Variants in NSD2 observed in about 807,000 individuals in gnomAD.
NSD2 encodes the protein histone-lysine N-methyltransferase NSD2.
Under a neutral mutation model 139.0 loss-of-function variants are expected in NSD2, and 12 were observed. That is an observed-to-expected ratio of 0.09 (90% CI 0.06 to 0.14). The LOEUF (loss-of-function observed/expected upper bound fraction) is 0.14, where lower values mean the gene tolerates loss of function less well. Among genes scored for constraint, NSD2 ranks in the 10% least tolerant of loss-of-function variants. NSD2 has a pLI of 1.00. For synonymous variants in NSD2, 669 were observed against 648.7 expected, an observed-to-expected ratio of 1.03 and a Z score of -0.48; for missense variants, 1,155 against 1,745.0, an observed-to-expected ratio of 0.66 and a Z score of 6.02.
chr4:1,928,093 C>T (rs1035320291), intron 5 of NSD2, among the ~76,000 whole-genome samples: 14 of 149,490 alleles, frequency 9.4e-5, no homozygotes, highest in African/African-American at 2.7e-4. Flanking sequence ...TTTTCAAACA[C>T]GATCTTTCTC....
At chr4:1,952,278 C>G (rs1398462964) in intron 11 of NSD2, 47 bp downstream of exon 11, 1 of 1,607,602 alleles carries the variant, frequency 6.2e-7, no homozygotes, top group East Asian at 2.2e-5. Flanking sequence ...CGGCCACCTG[C>G]TCCTGCAACC....
chr4:1,932,327 T>A (rs1485769214), intron 6 of NSD2, among the ~76,000 whole-genome samples: 2 of 150,020 alleles, frequency 1.3e-5, no homozygotes, highest in African/African-American at 2.5e-5. Context: ...TAATCCCAGC[T>A]ACTCGGGAGG....
intron 21 of NSD2, 123 bp from the exon 22 acceptor site, chr4:1,978,515 C>G (rs538752170): frequency 3.6e-6 from 5 of 1,386,306 alleles, no homozygotes; most frequent in East Asian, 2.4e-5. Flanking sequence ...CCGTCCTGTT[C>G]GCTGGAGCCA....
chr4:1,877,210 T>G (rs1199969374), intron 1 of NSD2, among the ~76,000 whole-genome samples: 2 of 152,208 alleles, frequency 1.3e-5, no homozygotes, highest in Non-Finnish European at 2.9e-5. Context: ...TTTGATGGTT[T>G]TCATATATTT....
rs576027126 is a variant in NSD2, at chr4:1,902,587, C to T, written c.597+1336C>T. 2.0e-5 allele frequency among the ~76,000 whole-genome samples: 3 copies of T among 152,200 alleles called. No individual in the cohort carries two copies. The South Asian group carries it at 6.2e-4, about 32-fold the overall frequency. ...CTCATGCTTTTGCTTGGGAAGAGGC[C>T]TGTGCAAGTTGTCAGAGTCCTAGCT... On this transcript the variant is annotated intron_variant, in intron 2 of 21. Coordinates refer to ENST00000508803, the MANE Select transcript of NSD2 (RefSeq NM_001042424.3).
At chr4:1,961,263 C>G in intron 18 of NSD2, 112 bp downstream of exon 18, 1 of 824,870 alleles carries the variant, frequency 1.2e-6, no homozygotes, top group South Asian at 2.1e-5. Context: ...GTCTCCTTAG[C>G]TGCTTATTTT....
chr4:1,939,833 G>C (rs1346348396), intron 9 of NSD2, 55 bp downstream of exon 9: 2 of 1,612,408 alleles, frequency 1.2e-6, no homozygotes, highest in Non-Finnish European at 1.7e-6. Flanking sequence ...CCATTTAGCT[G>C]CCCACGCTGC....
Position 1,974,834 on chromosome 4 carries a change from T to C in NSD2, c.3373-29T>C, listed in dbSNP as rs775406011. ...AAAAATAACATGCGATTGCTAACAC[T>C]TGACCGAATATATCACTTGACCTTA... is the stretch of plus-strand genomic sequence containing the variant. On this transcript the variant is annotated intron_variant, in intron 18 of 21. Transcript: ENST00000508803. This position sits in a 1 kb window ranked among gnomAD's most constrained non-coding sequence, Gnocchi z 4.0. 24 of 1,612,780 alleles carry C rather than the reference T, an allele frequency of 1.5e-5. No homozygotes were observed. The highest frequency in any genetic ancestry group is 1.8e-5 in the Non-Finnish European group (21 of 1,178,910).
At chr4:1,882,998 C>T (rs556819893) in intron 1 of NSD2, among the ~76,000 whole-genome samples, 2 of 151,964 alleles carry the variant, frequency 1.3e-5, no homozygotes, top group Admixed American at 1.3e-4. Context: ...GGTGGTTGGC[C>T]ATTCTTGGGA....
At position 1,961,115 on chromosome 4, in the gene NSD2, C is replaced by T. The variant is rs142004038; in HGVS notation, c.3336C>T (p.Asn1112=). Residue 1112 remains asparagine, a synonymous_variant, in exon 18 of 22, where the codon AAC becomes AAT. Coordinates refer to ENST00000508803, the MANE Select transcript of NSD2 (RefSeq NM_001042424.3). ...CGAGAATCAAGCACGCACACGAGAACGACATCACCCACTTCTACATGCTCA... is the reference window on the plus strand; with the variant it reads ...CGAGAATCAAGCACGCACACGAGAATGACATCACCCACTTCTACATGCTCA... ...CMARIKHAHE[N]DITHFYMLTI... is the part of the protein sequence containing the mutation. 1.1e-5 allele frequency: 18 copies of T among 1,613,258 alleles called. No individual in the cohort carries two copies. The highest frequency in any genetic ancestry group is 1.7e-4 in the Middle Eastern group (1 of 6,056).
chr4:1,966,371 A>ATGTACATT lies in NSD2; in HGVS notation c.3372+5221_3372+5222insGTACATTT, dbSNP rs1553878484. 1.4e-4 allele frequency among the ~76,000 whole-genome samples: 22 copies of ATGTACATT among 152,120 alleles called. 1 individual carries two copies. The South Asian group carries it at 4.2e-3, about 29-fold the overall frequency. ...GTTTGTTGTCTGCATGATTGAAGAGATAGGGCTGGGCATGGTGGCTCACGC... is the reference window on the plus strand; with the variant it reads ...GTTTGTTGTCTGCATGATTGAAGAGATGTACATTTAGGGCTGGGCATGGTGGCTCACGC... On this transcript the variant is annotated intron_variant, in intron 18 of 21. Transcript: ENST00000508803.
intron 5 of NSD2, among the ~76,000 whole-genome samples, chr4:1,921,457 CAAATT>C (rs1275989976): frequency 6.7e-6 from 1 of 148,526 alleles, no homozygotes; most frequent in Admixed American, 6.7e-5. Flanking sequence ...GACTCCGTCT[CAAATT>C]AAAAAAAAAA....
At position 1,979,078 on chromosome 4, in the gene NSD2, C is replaced by A; in HGVS notation, c.*169C>A. The A allele has an allele frequency of 1.2e-6, 1 of 815,962 alleles. No individual in the cohort carries two copies. Among genetic ancestry groups the A allele is most frequent in the Non-Finnish European group, 1.8e-6 (1 of 559,414 alleles). The allele number at this position is 815,962 out of a possible 1,614,324, so 50.5% of individuals were successfully genotyped here. A position where few individuals can be genotyped will look rare whatever the true frequency, so the allele number is the denominator to read the frequency against. On this transcript the variant is annotated 3_prime_UTR_variant, in exon 22 of 22. Coordinates refer to ENST00000508803, the MANE Select transcript of NSD2 (RefSeq NM_001042424.3). ...CTCCCCACCACTGAGCCATCCTCAG[C>A]AGCGTCCGCTGCGTCTGCACTGATG...
chr4:1,935,268 T>G lies in NSD2; in HGVS notation c.1674+6T>G. On this transcript the variant is annotated splice_donor_region_variant and intron_variant, in intron 7 of 21. Transcript: ENST00000508803. ...ACAAGCACAGTCTTCGGAAGGTAATTGTGTTCCAGGTTTGCTTGACCTGTC... is the reference window on the plus strand; with the variant it reads ...ACAAGCACAGTCTTCGGAAGGTAATGGTGTTCCAGGTTTGCTTGACCTGTC... 9 of 1,609,492 alleles carry G rather than the reference T, an allele frequency of 5.6e-6. No homozygotes were observed. Among genetic ancestry groups the G allele is most frequent in the Non-Finnish European group, 7.6e-6 (9 of 1,177,022 alleles).
Position 1,955,521 on chromosome 4 carries a change from G to A in NSD2, c.2519-172G>A, listed in dbSNP as rs1484515521. ...ATTGTAATCATTTCGCAAACATACA[G>A]GAAATTATTTGTGGTGAAAATGACA... On this transcript the variant is annotated intron_variant, in intron 13 of 21. Coordinates refer to ENST00000508803, the MANE Select transcript of NSD2 (RefSeq NM_001042424.3). The surrounding 1 kb of genome is among the most constrained non-coding windows in gnomAD (Gnocchi z 4.7). 2.4e-6 allele frequency: 3 copies of A among 1,231,336 alleles called. No homozygotes were observed. The highest frequency in any genetic ancestry group is 3.3e-6 in the Non-Finnish European group (3 of 914,082). 76.3% of individuals were successfully genotyped at this position (1,231,336 alleles called of 1,614,324 possible).
intron 1 of NSD2, among the ~76,000 whole-genome samples, chr4:1,886,324 A>G (rs1396965968): frequency 1.3e-5 from 2 of 152,140 alleles, no homozygotes; most frequent in Non-Finnish European, 2.9e-5. Flanking sequence ...CTCGTGCCTC[A>G]GTCTCCTGAA....
intron 6 of NSD2, among the ~76,000 whole-genome samples, chr4:1,934,315 C>T (rs183336519): frequency 5.3e-5 from 8 of 151,468 alleles, no homozygotes; most frequent in Admixed American, 5.3e-4. Flanking sequence ...AAACTCCCGA[C>T]CTCAGGTGAT....
intron 1 of NSD2, among the ~76,000 whole-genome samples, chr4:1,884,386 C>T (rs1377792045): frequency 3.3e-5 from 5 of 149,806 alleles, no homozygotes; most frequent in Non-Finnish European, 4.4e-5. Flanking sequence ...TGTGAGCCAC[C>T]GCAGGCCCCT....
At chr4:1,893,442 C>A (rs1008932391) in intron 1 of NSD2, among the ~76,000 whole-genome samples, 5 of 152,146 alleles carry the variant, frequency 3.3e-5, no homozygotes, top group African/African-American at 1.2e-4. Flanking sequence ...GGCACAGTTC[C>A]AGCCTGGGCG....
Sources: allele counts gnomAD v4.1 joint callset (sites outside exome capture counted in the v4.1 genomes callset), GRCh38; gene constraint gnomAD v4.1.1; non-coding constraint Gnocchi (gnomAD v3.1); transcripts MANE v1.5; gene names NCBI Gene and HGNC (gene_info 2026-07-23, HGNC 2026-07-21).